The following WRNIP1 variants were observed in gnomAD, a reference collection of about 807,000 sequenced individuals.
WRNIP1 encodes ATPase WRNIP1.
WRNIP1 carries 41 observed loss-of-function variants against 56.1 expected under a neutral mutation model. The ratio of observed to expected loss-of-function variants is 0.73; its 90% CI spans 0.57 to 0.95. The LOEUF is 0.95. Among genes scored for constraint, WRNIP1 ranks in the 40% least tolerant of loss-of-function variants. The pLI is 0.00. For synonymous variants in WRNIP1, 547 were observed against 398.1 expected (o/e 1.37, Z -4.45); for missense variants, 1,170 against 939.4 (o/e 1.25, Z -3.21).
intron 3 of WRNIP1, among the ~76,000 whole-genome samples, chr6:2,774,648 AC>A (rs1765390032): frequency 6.6e-6 from 1 of 152,180 alleles, no homozygotes; most frequent in East Asian, 1.9e-4. Context: ...ATTAGGACTT[AC>A]ATCTTTTGGG....
At chr6:2,771,211 T>C (rs999987219) in intron 3 of WRNIP1, among the ~76,000 whole-genome samples, 2 of 152,188 alleles carry the variant, frequency 1.3e-5, no homozygotes, top group African/African-American at 4.8e-5. Context: ...GCCACTTTTC[T>C]GTGAGGATTA....
At chr6:2,768,559 G>T in intron 1 of WRNIP1, 132 bp from the exon 2 acceptor site, 1 of 604,852 alleles carries the variant, frequency 1.7e-6, no homozygotes, top group Non-Finnish European at 2.7e-6. Context: ...GATTGTTTCT[G>T]TGCTGCTCAG....
chr6:2,772,656 C>T (rs1311243482), intron 3 of WRNIP1, among the ~76,000 whole-genome samples: 1 of 152,194 alleles, frequency 6.6e-6, no homozygotes, highest in Non-Finnish European at 1.5e-5. Flanking sequence ...ATTAATTGGT[C>T]AACTTGTTAG....
intron 1 of WRNIP1, among the ~76,000 whole-genome samples, chr6:2,766,745 C>T (rs1163172528): frequency 6.6e-6 from 1 of 152,148 alleles, no homozygotes; most frequent in African/African-American, 2.4e-5. Flanking sequence ...CTTTATCTTC[C>T]ATCGGTCTCC....
At position 2,783,548 on chromosome 6, in the gene WRNIP1, C is replaced by T. The variant is rs776679169; in HGVS notation, c.1629C>T (p.Ala543=). Residue 543 remains alanine (A), a synonymous_variant, in exon 5 of 7, where the codon GCC becomes GCT. Coordinates refer to ENST00000380773, the MANE Select transcript of WRNIP1 (RefSeq NM_020135.3). ...TGGCACGGAGGCTTGTCAGGTTTGC[C>T]AGCGAGGACATAGGTGAGTGTGATG... ...LYVARRLVRF[A]SEDIGLADPS... is the part of the protein sequence containing the mutation. The T allele has an allele frequency of 1.2e-6, 2 of 1,610,222 alleles. No homozygotes were observed. The highest frequency in any genetic ancestry group is 1.1e-5 in the South Asian group (1 of 90,694).
chr6:2,772,142 A>G (rs987686478), intron 3 of WRNIP1, among the ~76,000 whole-genome samples: 11 of 152,240 alleles, frequency 7.2e-5, no homozygotes, highest in African/African-American at 2.7e-4. Context: ...CCTTGTGAGA[A>G]GAATTTCTAT....
chr6:2,777,539 G>A (rs1196676712), intron 3 of WRNIP1, among the ~76,000 whole-genome samples: 2 of 152,318 alleles, frequency 1.3e-5, no homozygotes, highest in Non-Finnish European at 2.9e-5. Context: ...AGATGCCCAA[G>A]CAGTTTCTGT....
In WRNIP1 at chr6:2,770,159, C is replaced by T. The variant is rs777359625; in HGVS notation, c.1054C>T (p.Leu352=). 1 of 1,614,236 alleles carries T rather than the reference C, an allele frequency of 6.2e-7. No individual in the cohort carries two copies. Among genetic ancestry groups the T allele is most frequent in the East Asian group, 2.2e-5 (1 of 44,886 alleles). ...TCACGTGGAATGTGGGACGATCACT[C>T]TGATTGGGGCAACCACTGAAAACCC... The part of the protein sequence containing the change: ...LPHVECGTIT[L]IGATTENPSF... Residue 352 remains leucine, a synonymous_variant, in exon 3 of 7, where the codon CTG becomes TTG. Transcript: ENST00000380773.
At chr6:2,783,653 T>TTTTTTTGGGGGG in intron 5 of WRNIP1, 92 bp downstream of exon 5, 4 of 120,102 alleles carry the variant, frequency 3.3e-5, no homozygotes, top group Non-Finnish European at 2.2e-5. Context: ...TTTTTTTTTT[T>TTTTTTTGGGGGG]GCAGGGCGGG....
Position 2,765,682 on chromosome 6 carries a change from C to T in WRNIP1, c.60C>T (p.Cys20=), listed in dbSNP as rs765720889. 9.0e-6 allele frequency: 14 copies of T among 1,551,176 alleles called. No individual in the cohort carries two copies. Among genetic ancestry groups the T allele is most frequent in the Admixed American group, 7.2e-5 (4 of 55,862 alleles). ...TTTCGCAGCTGCACCAGGTGCAGTG[C>T]CCCGTGTGCCAGCAGATGATGCCCG... is the stretch of plus-strand genomic sequence containing the variant. ...PFLSQLHQVQ[C]PVCQQMMPAA... Residue 20 remains cysteine (C), a synonymous_variant, in exon 1 of 7, where the codon TGC becomes TGT. Coordinates refer to ENST00000380773, the MANE Select transcript of WRNIP1 (RefSeq NM_020135.3).
At chr6:2,766,546 C>T (rs866773427) in intron 1 of WRNIP1, 102 bp downstream of exon 1, 18 of 1,415,128 alleles carry the variant, frequency 1.3e-5, no homozygotes, top group East Asian at 2.6e-5. Context: ...AAGCCGCCTG[C>T]CTCTCCTGGA....
At chr6:2,783,686 A>AT (rs1426449127) in intron 5 of WRNIP1, 125 bp downstream of exon 5, 2 of 717,036 alleles carry the variant, frequency 2.8e-6, no homozygotes, top group Non-Finnish European at 4.1e-6. Context: ...AGCAGGAAGA[A>AT]TGTCTCAGGG....
In WRNIP1 at chr6:2,766,181, G is replaced by T; in HGVS notation, c.559G>T (p.Gly187Trp). 7.3e-7 allele frequency: 1 copy of T among 1,375,100 alleles called. No homozygotes were observed. The allele number at this position is 1,375,100 out of a possible 1,614,324, so 85.2% of individuals were successfully genotyped here. A position where few individuals can be genotyped will look rare whatever the true frequency, so the allele number is the denominator to read the frequency against. The change falls in exon 1 of 7, where the codon GGG becomes TGG. Residue 187 changes from glycine (G) to tryptophan (W), a missense_variant. Transcript: ENST00000380773. ...DADADGEDDP[G>W]HWDADAAEAA... ...GGACGCGGACGGCGAGGACGACCCG[G>T]GGCACTGGGACGCGGACGCTGCCGA... is the stretch of plus-strand genomic sequence containing the variant.
At chr6:2,773,482 T>C (rs2113467694) in intron 3 of WRNIP1, 2 of 985,386 alleles carry the variant, frequency 2.0e-6, no homozygotes, top group African/African-American at 1.7e-5. Context: ...GAAAGCTCAT[T>C]GTCTACGCCA....
At chr6:2,784,443 C>A in intron 6 of WRNIP1, 40 bp downstream of exon 6, 1 of 1,583,934 alleles carries the variant, frequency 6.3e-7, no homozygotes, top group Non-Finnish European at 8.7e-7. Flanking sequence ...CACTTCTTTT[C>A]TCTCTCGTGC....
rs1393582572 is a variant in WRNIP1 at position 2,766,422 on chromosome 6, G to T, written c.800G>T (p.Trp267Leu). The T allele has an allele frequency of 6.3e-7, 1 of 1,588,078 alleles. No individual in the cohort carries two copies. The highest frequency in any genetic ancestry group is 8.6e-7 in the Non-Finnish European group (1 of 1,164,146). The change falls in exon 1 of 7, where the codon TGG (tryptophan) becomes TTG (leucine). Residue 267 changes from tryptophan to leucine, a missense_variant. Transcript: ENST00000380773. ...AACGAAATCCCCTCGCTTATCCTGT[G>T]GGGGCCGCCGGGCTGCGGCAAGGTG... Reference protein sequence around the residue: ...ETNEIPSLILWGPPGCGKTTL... With the variant: ...ETNEIPSLILLGPPGCGKTTL...
chr6:2,766,218 C>G lies in WRNIP1; in HGVS notation c.596C>G (p.Ala199Gly). Residue 199 changes from alanine (A) to glycine (G), a missense_variant, in exon 1 of 7, where the codon GCC becomes GGC. Ala to Gly is a moderately conservative substitution (Grantham distance 60). Transcript: ENST00000380773. ...GCGGACGCTGCCGAAGCCGCCACCGCCTTCGGGGCCAGTGGCGGGGGCCGC... is the reference window on the plus strand; with the variant it reads ...GCGGACGCTGCCGAAGCCGCCACCGGCTTCGGGGCCAGTGGCGGGGGCCGC... Reference protein sequence around the residue: ...WDADAAEAATAFGASGGGRPH... With the variant: ...WDADAAEAATGFGASGGGRPH... The G allele has an allele frequency of 6.7e-7, 1 of 1,484,768 alleles. No homozygotes were observed. Among genetic ancestry groups the G allele is most frequent in the Admixed American group, 2.3e-5 (1 of 44,050 alleles). 92.0% of individuals were successfully genotyped at this position (1,484,768 alleles called of 1,614,324 possible). A position where few individuals can be genotyped will look rare whatever the true frequency, so the allele number is the denominator to read the frequency against.
At chr6:2,767,769 C>G (rs531206337) in intron 1 of WRNIP1, among the ~76,000 whole-genome samples, 1 of 152,314 alleles carries the variant, frequency 6.6e-6, no homozygotes, top group East Asian at 1.9e-4. Flanking sequence ...ATCCCACCTA[C>G]CAAATGCCAG....
rs1310239263 is a variant in WRNIP1 at position 2,779,376 on chromosome 6, C to T, written c.1370C>T (p.Ser457Phe). 8 of 1,614,000 alleles carry T rather than the reference C, an allele frequency of 5.0e-6. No homozygotes were observed. Among genetic ancestry groups the T allele is most frequent in the African/African-American group, 2.7e-5 (2 of 74,886 alleles). The change falls in exon 4 of 7, where the codon TCT (serine) becomes TTT (phenylalanine). Residue 457 changes from serine to phenylalanine, a missense_variant. By Grantham distance (155) the Ser-to-Phe change is radical. Transcript: ENST00000380773. ...CTGGCGGTGCTGGCTAGGTTAAGCT[C>T]TAGGAAGATGTTCTGTAAGAAGAGT... is the stretch of plus-strand genomic sequence containing the variant. Reference protein sequence around the residue: ...LQLAVLARLSSRKMFCKKSGQ... With the variant: ...LQLAVLARLSFRKMFCKKSGQ...
Sources: allele counts gnomAD v4.1 joint callset (sites outside exome capture counted in the v4.1 genomes callset), GRCh38; gene constraint gnomAD v4.1.1; transcripts MANE v1.5; gene names NCBI Gene and HGNC (gene_info 2026-07-23, HGNC 2026-07-21).